The following TAOK1 variants were observed in gnomAD, a reference collection of about 807,000 sequenced individuals.
TAOK1 encodes TAO kinase 1.
Under a neutral mutation model 138.3 loss-of-function variants are expected in TAOK1, and 21 were observed. That is an observed-to-expected ratio of 0.15 (90% CI 0.11 to 0.22). The LOEUF is 0.22. Among genes scored for constraint, TAOK1 ranks in the 10% least tolerant of loss-of-function variants. The pLI is 1.00. For synonymous variants in TAOK1, 361 were observed against 398.4 expected, an observed-to-expected ratio of 0.91 and a Z score of 1.12; for missense variants, 651 against 1,227.7, an observed-to-expected ratio of 0.53 and a Z score of 7.02.
At chr17:29,508,271 TA>T in intron 14 of TAOK1, 139 bp downstream of exon 14, 1 of 690,258 alleles carries the variant, frequency 1.4e-6, no homozygotes, top group African/African-American at 1.8e-5. Context: ...TTATGTGACT[TA>T]TATAAAGGTT....
chr17:29,520,702 A>G (rs1026384903), intron 16 of TAOK1, among the ~76,000 whole-genome samples: 1 of 145,194 alleles, frequency 6.9e-6, no homozygotes, highest in Non-Finnish European at 1.5e-5. Context: ...GGCGTGAGCC[A>G]CCGTGCCCAG....
At chr17:29,537,957 C>CA (rs1567749253) in intron 19 of TAOK1, among the ~76,000 whole-genome samples, 1 of 151,742 alleles carries the variant, frequency 6.6e-6, no homozygotes, top group Non-Finnish European at 1.5e-5. Context: ...ACTAAAAATA[C>CA]AAAAATTAGC....
At chr17:29,530,746 G>A (rs114062907) in intron 18 of TAOK1, 127 bp downstream of exon 18, 2 of 768,586 alleles carry the variant, frequency 2.6e-6, no homozygotes, top group African/African-American at 1.7e-5. Flanking sequence ...AAATGTGGTG[G>A]TGGTTCATTT....
rs1005202960 is a variant in TAOK1, at chr17:29,514,478, C to T, written c.1705-2975C>T. ...AGGCTGAAGCAGTTTTCCTACCTCA[C>T]CCTCCCAAGTAGTTGGGACCACAGA... On this transcript the variant is annotated intron_variant, in intron 15 of 19. Transcript: ENST00000261716. 5 of 152,110 alleles carry T rather than the reference C, an allele frequency of 3.3e-5. No homozygotes were observed. The South Asian group carries it at 8.3e-4, about 25-fold the overall frequency. The allele number at this position is 152,110 out of a possible 1,614,324, so 9.4% of individuals were successfully genotyped here.
At chr17:29,436,878 T>C (rs922245192) in intron 1 of TAOK1, among the ~76,000 whole-genome samples, 1 of 152,108 alleles carries the variant, frequency 6.6e-6, no homozygotes, top group African/African-American at 2.4e-5. Flanking sequence ...CCCTCTGAAG[T>C]ATCTGAAAAG....
chr17:29,425,320 G>A (rs1054636606), intron 1 of TAOK1, among the ~76,000 whole-genome samples: 1 of 152,120 alleles, frequency 6.6e-6, no homozygotes, highest in African/African-American at 2.4e-5. Flanking sequence ...TGATTCTCCT[G>A]CCTTGGCCTC....
At chr17:29,442,588 A>G (rs1455882689) in intron 1 of TAOK1, among the ~76,000 whole-genome samples, 1 of 152,134 alleles carries the variant, frequency 6.6e-6, no homozygotes, top group Non-Finnish European at 1.5e-5. Flanking sequence ...GTGTTGAATA[A>G]TAAAGGTTTC....
At chr17:29,494,775 G>A (rs1216444821) in intron 10 of TAOK1, among the ~76,000 whole-genome samples, 1 of 140,398 alleles carries the variant, frequency 7.1e-6, no homozygotes, top group African/African-American at 2.7e-5. Flanking sequence ...GCAGTGAGCC[G>A]CAATCGCGCC....
chr17:29,477,556 C>A, intron 4 of TAOK1, 105 bp from the exon 5 acceptor site: 1 of 518,970 alleles, frequency 1.9e-6, no homozygotes, highest in Non-Finnish European at 2.8e-6. Context: ...TAGAATTTTA[C>A]TTCAAACTAT....
At chr17:29,474,999 G>A (rs1334177508) in intron 3 of TAOK1, among the ~76,000 whole-genome samples, 1 of 152,074 alleles carries the variant, frequency 6.6e-6, no homozygotes, top group Non-Finnish European at 1.5e-5. Context: ...AGTGCAGTGT[G>A]GCTCGATCTC....
chr17:29,465,441 C>T (rs896199819), intron 2 of TAOK1, among the ~76,000 whole-genome samples: 2 of 151,906 alleles, frequency 1.3e-5, no homozygotes, highest in Non-Finnish European at 2.9e-5. Flanking sequence ...TGAGTCACCG[C>T]GCCTGGCCCT....
chr17:29,399,762 G>A (rs903172024), intron 1 of TAOK1, among the ~76,000 whole-genome samples: 17 of 151,742 alleles, frequency 1.1e-4, no homozygotes, highest in East Asian at 3.9e-4. Flanking sequence ...ATAGATTCTC[G>A]CTCTGTCACT....
intron 1 of TAOK1, among the ~76,000 whole-genome samples, chr17:29,428,004 AG>A (rs1905701359): frequency 6.6e-6 from 1 of 152,094 alleles, no homozygotes; most frequent in South Asian, 2.1e-4. Flanking sequence ...AAGGCTGAAG[AG>A]AGTCTAGGAT....
At chr17:29,525,293 A>G (rs1044285490) in intron 17 of TAOK1, among the ~76,000 whole-genome samples, 2 of 151,324 alleles carry the variant, frequency 1.3e-5, no homozygotes, top group African/African-American at 2.4e-5. Context: ...TTGTATTTTT[A>G]GTAGAGATGG....
intron 19 of TAOK1, among the ~76,000 whole-genome samples, chr17:29,541,445 C>A (rs915120015): frequency 6.6e-6 from 1 of 151,808 alleles, no homozygotes; most frequent in Non-Finnish European, 1.5e-5. Context: ...AATCATAATT[C>A]CACTGTGATA....
chr17:29,533,230 A>C (rs2032159675), intron 18 of TAOK1, among the ~76,000 whole-genome samples: 1 of 137,874 alleles, frequency 7.3e-6, no homozygotes, highest in South Asian at 2.4e-4. Flanking sequence ...CGCTCCCCAC[A>C]TCTCAGACGA....
chr17:29,475,767 C>T lies in TAOK1; in HGVS notation c.302C>T (p.Ala101Val). 6.2e-7 allele frequency: 1 copy of T among 1,609,502 alleles called. No homozygotes were observed. ...YKGCYLREHT[A>V]WLVMEYCLGS... is the part of the protein sequence containing the mutation. ...GGCTGTTATTTACGTGAACACACAG[C>T]ATGGGTTGGTATTTGTTCTCCCCTT... The change falls in exon 4 of 20, where the codon GCA becomes GTA. Residue 101 changes from alanine (A) to valine (V), a missense_variant. Transcript: ENST00000261716.
chr17:29,458,568 T>A, intron 2 of TAOK1, among the ~76,000 whole-genome samples: 1 of 152,302 alleles, frequency 6.6e-6, no homozygotes, highest in Non-Finnish European at 1.5e-5. Context: ...CACAATCTTG[T>A]CACACTGCAA....
intron 1 of TAOK1, among the ~76,000 whole-genome samples, chr17:29,448,703 T>C (rs1210159344): frequency 6.6e-6 from 1 of 152,226 alleles, no homozygotes. Context: ...GTCTTATGCA[T>C]ACTGTTTGTT....
Sources: gnomAD v4.1 joint callset for allele counts (sites outside exome capture counted in the v4.1 genomes callset) on GRCh38, gnomAD v4.1.1 for gene constraint, MANE v1.5 for transcripts, NCBI Gene and HGNC (gene_info 2026-07-23, HGNC 2026-07-21) for gene names.